Variants in SNTG1 observed in about 807,000 individuals in gnomAD.
SNTG1 encodes gamma-1-syntrophin.
Under a neutral mutation model 74.7 loss-of-function variants are expected in SNTG1, and 39 were observed. The observed-to-expected ratio is 0.52, with a 90% CI of 0.40 to 0.68. SNTG1 has a LOEUF of 0.68. Among genes scored for constraint, SNTG1 ranks in the 30% least tolerant of loss-of-function variants. The pLI is 0.00. For missense variants in SNTG1, 685 were observed against 609.5 expected (o/e 1.12, Z -1.30); for synonymous variants, 254 against 217.1 (o/e 1.17, Z -1.49).
At chr8:50,778,026 A>G (rs2095646363) in intron 18 of SNTG1, among the ~76,000 whole-genome samples, 1 of 152,186 alleles carries the variant, frequency 6.6e-6, no homozygotes, top group South Asian at 2.1e-4. Context: ...TACAAAGGAC[A>G]TGAACTCATC....
At chr8:50,015,686 T>C (rs959818132) in intron 1 of SNTG1, among the ~76,000 whole-genome samples, 1 of 152,124 alleles carries the variant, frequency 6.6e-6, no homozygotes, top group Non-Finnish European at 1.5e-5. Context: ...TTACTATAAC[T>C]AGGCTCAAAC....
At chr8:50,463,111 A>C (rs1299792128) in intron 8 of SNTG1, among the ~76,000 whole-genome samples, 2 of 152,112 alleles carry the variant, frequency 1.3e-5, no homozygotes, top group Non-Finnish European at 2.9e-5. Context: ...CACCACGTCC[A>C]GCCCAGATTC....
chr8:50,344,882 T>C (rs1310436699), intron 2 of SNTG1, among the ~76,000 whole-genome samples: 1 of 152,124 alleles, frequency 6.6e-6, no homozygotes, highest in African/African-American at 2.4e-5. Context: ...GTGATTAAGA[T>C]TAAATGAGGT....
chr8:50,276,373 TTATATATATATATATA>T (rs6150576), intron 2 of SNTG1, among the ~76,000 whole-genome samples: 8,018 of 143,402 alleles, frequency 0.056, 285 homozygotes, highest in South Asian at 0.078. Flanking sequence ...CAAGTAAATT[TTATATATATATATATA>T]TATATATATA....
intron 2 of SNTG1, among the ~76,000 whole-genome samples, chr8:50,314,800 G>T (rs527702145): frequency 6.7e-6 from 1 of 149,918 alleles, no homozygotes; most frequent in East Asian, 2.0e-4. Flanking sequence ...AATCTCCCCA[G>T]TTAAATGTGA....
chr8:50,447,033 T>TCC (rs1278781273), intron 5 of SNTG1, among the ~76,000 whole-genome samples: 2 of 152,206 alleles, frequency 1.3e-5, no homozygotes, highest in East Asian at 3.8e-4. Context: ...TGAATGTGCT[T>TCC]CCTTTCTCTC....
At chr8:50,404,347 T>A (rs2092843243) in intron 4 of SNTG1, among the ~76,000 whole-genome samples, 1 of 152,160 alleles carries the variant, frequency 6.6e-6, no homozygotes, top group African/African-American at 2.4e-5. Context: ...AACTGTCACA[T>A]CTTTCTAAAT....
At chr8:50,552,990 C>A (rs531164424) in intron 11 of SNTG1, 60 bp from the exon 12 acceptor site, 1 of 1,591,662 alleles carries the variant, frequency 6.3e-7, no homozygotes, top group African/African-American at 1.3e-5. Context: ...GATACTATTA[C>A]GAGCTGCAAA....
intron 8 of SNTG1, among the ~76,000 whole-genome samples, chr8:50,454,389 C>G (rs1223349548): frequency 6.6e-6 from 1 of 152,020 alleles, no homozygotes; most frequent in Non-Finnish European, 1.5e-5. Flanking sequence ...CCCAGCTAAT[C>G]AAGAGGCTGA....
chr8:50,308,874 C>A (rs2089998474), intron 2 of SNTG1, among the ~76,000 whole-genome samples: 1 of 151,960 alleles, frequency 6.6e-6, no homozygotes, highest in South Asian at 2.1e-4. Context: ...ATTTCCAGAG[C>A]TAGATAGTTA....
At chr8:50,259,140 T>C (rs546331326) in intron 2 of SNTG1, among the ~76,000 whole-genome samples, 1 of 152,244 alleles carries the variant, frequency 6.6e-6, no homozygotes, top group Admixed American at 6.5e-5. Context: ...TAATGACATA[T>C]TCAAAATTCT....
chr8:50,600,195 C>T (rs951440485), intron 13 of SNTG1, among the ~76,000 whole-genome samples: 7 of 151,752 alleles, frequency 4.6e-5, no homozygotes, highest in Admixed American at 1.3e-4. Flanking sequence ...GTTGAATTTG[C>T]GTTGACAGTA....
chr8:50,308,955 A>G (rs974885852), intron 2 of SNTG1, among the ~76,000 whole-genome samples: 2 of 145,270 alleles, frequency 1.4e-5, no homozygotes, highest in African/African-American at 5.1e-5. Context: ...TATAACTAGG[A>G]AGCAATAGTT....
chr8:50,781,526 C>A (rs1035014850), intron 18 of SNTG1, among the ~76,000 whole-genome samples: 2 of 152,122 alleles, frequency 1.3e-5, no homozygotes, highest in Admixed American at 6.5e-5. Flanking sequence ...AGGATTGCAA[C>A]TGCTGCCTTT....
chr8:50,726,583 C>A (rs1228433841), intron 17 of SNTG1, among the ~76,000 whole-genome samples: 2 of 152,228 alleles, frequency 1.3e-5, no homozygotes, highest in Non-Finnish European at 2.9e-5. Context: ...GGCGCACTGG[C>A]TCACGCCTGT....
chr8:49,962,044 C>T (rs1810734689), intron 1 of SNTG1, among the ~76,000 whole-genome samples: 1 of 152,188 alleles, frequency 6.6e-6, no homozygotes, highest in Non-Finnish European at 1.5e-5. Context: ...CTCCCAGGGC[C>T]TCCCTGGGGC....
At chr8:50,090,324 A>G (rs771265760) in intron 1 of SNTG1, among the ~76,000 whole-genome samples, 1 of 152,164 alleles carries the variant, frequency 6.6e-6, no homozygotes. Context: ...GTCTATGCCC[A>G]TCTTAAGTGG....
chr8:50,188,535 G>A (rs1430863154), intron 2 of SNTG1, among the ~76,000 whole-genome samples: 7 of 152,112 alleles, frequency 4.6e-5, no homozygotes, highest in Non-Finnish European at 1.0e-4. Flanking sequence ...GTACTCTCAT[G>A]TGGGTTCAGG....
intron 1 of SNTG1, among the ~76,000 whole-genome samples, chr8:50,066,890 TA>T (rs148199472): frequency 1.3e-5 from 2 of 152,002 alleles, no homozygotes; most frequent in African/African-American, 4.8e-5. Context: ...CAAATGGAAA[TA>T]AAAAACAGTA....
Sources: allele counts gnomAD v4.1 joint callset (sites outside exome capture counted in the v4.1 genomes callset), GRCh38; gene constraint gnomAD v4.1.1; transcripts MANE v1.5; gene names NCBI Gene and HGNC (gene_info 2026-07-23, HGNC 2026-07-21).